Variants in TCF7L1 observed in about 807,000 individuals in gnomAD.
The protein encoded by TCF7L1 is transcription factor 7 like 1, also known as transcription factor 7-like 1.
In TCF7L1, 18 loss-of-function variants were observed where a neutral mutation model predicts 63.7. That is an observed-to-expected ratio of 0.28 (90% CI 0.20 to 0.42). TCF7L1 has a LOEUF of 0.42. Among genes scored for constraint, TCF7L1 ranks in the 10% least tolerant of loss-of-function variants. The pLI is 1.00. For synonymous variants in TCF7L1, 355 were observed against 340.9 expected, an observed-to-expected ratio of 1.04 and a Z score of -0.46; for missense variants, 654 against 779.3, an observed-to-expected ratio of 0.84 and a Z score of 1.91.
intron 3 of TCF7L1, among the ~76,000 whole-genome samples, chr2:85,228,906 A>G (rs1680012464): frequency 6.6e-6 from 1 of 151,186 alleles, no homozygotes; most frequent in Admixed American, 6.6e-5. Context: ...CTGCAGTCCC[A>G]GCTACTCGGG....
chr2:85,197,478 A>G (rs1394790029), intron 3 of TCF7L1, among the ~76,000 whole-genome samples: 1 of 152,224 alleles, frequency 6.6e-6, no homozygotes, highest in Non-Finnish European at 1.5e-5. Flanking sequence ...TGGGACAGTG[A>G]TGAAAGAAAC....
At chr2:85,223,532 G>C (rs1223861326) in intron 3 of TCF7L1, among the ~76,000 whole-genome samples, 1 of 152,154 alleles carries the variant, frequency 6.6e-6, no homozygotes, top group Non-Finnish European at 1.5e-5. Flanking sequence ...TGAGCTGCTG[G>C]AGGTGGATGT....
chr2:85,197,942 G>A (rs1679194485), intron 3 of TCF7L1, among the ~76,000 whole-genome samples: 1 of 152,220 alleles, frequency 6.6e-6, no homozygotes, highest in Admixed American at 6.5e-5. Context: ...CCTGAGTGAG[G>A]AAGTAGAGGT....
intron 3 of TCF7L1, among the ~76,000 whole-genome samples, chr2:85,277,017 G>A (rs1222627358): frequency 6.6e-6 from 1 of 152,152 alleles, no homozygotes; most frequent in Non-Finnish European, 1.5e-5. Context: ...GGAGCAGCAG[G>A]GCAGCATGGT....
At chr2:85,216,671 A>G (rs1024586728) in intron 3 of TCF7L1, among the ~76,000 whole-genome samples, 2 of 152,116 alleles carry the variant, frequency 1.3e-5, no homozygotes, top group African/African-American at 4.8e-5. Flanking sequence ...GTGTGTGTGC[A>G]TCCCCCTCTC....
chr2:85,138,794 C>T (rs1043242719), intron 3 of TCF7L1, among the ~76,000 whole-genome samples: 2 of 152,166 alleles, frequency 1.3e-5, no homozygotes, highest in Admixed American at 6.5e-5. Context: ...AACATACACA[C>T]ACACCCCCAC....
chr2:85,137,793 T>C (rs1313285551), intron 3 of TCF7L1, among the ~76,000 whole-genome samples: 1 of 151,130 alleles, frequency 6.6e-6, no homozygotes, highest in Non-Finnish European at 1.5e-5. Flanking sequence ...CATTGGAGAC[T>C]GAGGCATGAG....
intron 3 of TCF7L1, among the ~76,000 whole-genome samples, chr2:85,254,791 G>T (rs188566869): frequency 6.6e-6 from 1 of 152,260 alleles, no homozygotes; most frequent in East Asian, 1.9e-4. Context: ...AGAGAATGAA[G>T]CTCAGAAAAA....
intron 3 of TCF7L1, among the ~76,000 whole-genome samples, chr2:85,165,109 A>G (rs1046928047): frequency 4.6e-5 from 7 of 152,232 alleles, no homozygotes; most frequent in African/African-American, 1.7e-4. Context: ...GTGGCATTGA[A>G]GAGGATAGGG....
At position 85,133,645 on chromosome 2, in the gene TCF7L1, A is replaced by C; in HGVS notation, c.-40A>C. The C allele has an allele frequency of 2.4e-6, 2 of 818,740 alleles. No homozygotes were observed. The highest frequency in any genetic ancestry group is 2.9e-6 in the Non-Finnish European group (2 of 680,594). 50.7% of individuals were successfully genotyped at this position (818,740 alleles called of 1,614,324 possible). ...CGGGCCGGGCAGGGCGCGGGCGGCT[A>C]GGGGCTCCGAGAGCGGCGGCCCCGG... On this transcript the variant is annotated 5_prime_UTR_variant, in exon 1 of 12. Transcript: ENST00000282111. This position sits in a 1 kb window ranked among gnomAD's most constrained non-coding sequence, Gnocchi z 4.4.
intron 3 of TCF7L1, among the ~76,000 whole-genome samples, chr2:85,157,166 A>G (rs1449524296): frequency 1.3e-5 from 2 of 152,218 alleles, no homozygotes; most frequent in Non-Finnish European, 2.9e-5. Context: ...GTTATAGTTG[A>G]GGAAACTGAG....
chr2:85,159,823 A>G (rs1036347174), intron 3 of TCF7L1, among the ~76,000 whole-genome samples: 4 of 152,072 alleles, frequency 2.6e-5, no homozygotes, highest in Non-Finnish European at 5.9e-5. Context: ...GCCCTTCACA[A>G]AGTCCCTCCT....
chr2:85,283,724 T>A, intron 4 of TCF7L1, 146 bp downstream of exon 4: 1 of 861,212 alleles, frequency 1.2e-6, no homozygotes, highest in Non-Finnish European at 1.9e-6. Context: ...GCTGAGTGCT[T>A]GGGGCTAACA....
chr2:85,280,900 G>A (rs555202492), intron 3 of TCF7L1, among the ~76,000 whole-genome samples: 100 of 152,266 alleles, frequency 6.6e-4, no homozygotes, highest in African/African-American at 2.3e-3. Flanking sequence ...CTTAGGAAAA[G>A]CTTCGTGACT....
intron 3 of TCF7L1, among the ~76,000 whole-genome samples, chr2:85,174,213 C>T (rs1392495685): frequency 6.6e-6 from 1 of 152,116 alleles, no homozygotes; most frequent in African/African-American, 2.4e-5. Context: ...CTGGACCTGT[C>T]ATATAAAGGG....
chr2:85,185,176 AATG>A (rs1357629093), intron 3 of TCF7L1, among the ~76,000 whole-genome samples: 4 of 152,108 alleles, frequency 2.6e-5, no homozygotes, highest in Admixed American at 6.5e-5. Flanking sequence ...GTGCCCTAGT[AATG>A]ATAAGTGACG....
At position 85,214,112 on chromosome 2, in the gene TCF7L1, C is replaced by A. The variant is rs112465442; in HGVS notation, c.442-69383C>A. 3.9e-3 allele frequency among the ~76,000 whole-genome samples: 590 copies of A among 152,314 alleles called. 13 individuals carry two copies. The highest frequency in any genetic ancestry group is 0.013 in the African/African-American group (553 of 41,548). On this transcript the variant is annotated intron_variant, in intron 3 of 11. Transcript: ENST00000282111. ...ACCGTGTCAGGGAACCCAGGCATTC[C>A]AGCCTGTGTCATCCTCCCCCTCCCG...
At chr2:85,201,045 T>C (rs1679258148) in intron 3 of TCF7L1, among the ~76,000 whole-genome samples, 1 of 151,972 alleles carries the variant, frequency 6.6e-6, no homozygotes, top group South Asian at 2.1e-4. Context: ...TACTAAAAAA[T>C]ATAAAAAATT....
rs1419852887 is a variant in TCF7L1, at chr2:85,134,118, C to G, written c.313+39C>G. The G allele has an allele frequency of 5.0e-6, 8 of 1,599,868 alleles. No individual in the cohort carries two copies. The highest frequency in any genetic ancestry group is 6.8e-6 in the Non-Finnish European group (8 of 1,174,020). On this transcript the variant is annotated intron_variant, in intron 2 of 11. Coordinates refer to ENST00000282111, the MANE Select transcript of TCF7L1 (RefSeq NM_031283.3). The surrounding 1 kb of genome is among the most constrained non-coding windows in gnomAD (Gnocchi z 5.0). The stretch of plus-strand genomic sequence containing the variant: ...GGGACAGCCCCCCACTCTCGATTCC[C>G]GCTGCGCTCCGCTGCTCAGCCCGGG...
Sources: gnomAD v4.1 joint callset for allele counts (sites outside exome capture counted in the v4.1 genomes callset) on GRCh38, gnomAD v4.1.1 for gene constraint, Gnocchi (gnomAD v3.1) non-coding constraint, MANE v1.5 for transcripts, NCBI Gene and HGNC (gene_info 2026-07-23, HGNC 2026-07-21) for gene names.